Variants in CEP112 observed in about 807,000 individuals in gnomAD.
The protein encoded by CEP112 is centrosomal protein 112.
CEP112 carries 127 observed loss-of-function variants against 153.0 expected under a neutral mutation model. The ratio of observed to expected loss-of-function variants is 0.83; its 90% confidence interval spans 0.72 to 0.96. The LOEUF (loss-of-function observed/expected upper bound fraction) is 0.96. Among genes scored for constraint, CEP112 ranks in the 40% least tolerant of loss-of-function variants. CEP112 has a pLI of 0.00. For missense variants in CEP112, 1,089 were observed against 1,101.2 expected (o/e 0.99, Z 0.16); for synonymous variants, 358 against 374.4 (o/e 0.96, Z 0.51).
intron 16 of CEP112, among the ~76,000 whole-genome samples, chr17:66,022,769 G>T (rs1009875909): frequency 6.7e-6 from 1 of 148,564 alleles, no homozygotes; most frequent in African/African-American, 2.5e-5. Flanking sequence ...ATTTTAAAGA[G>T]ATTCAATGAG....
At chr17:66,111,064 C>G (rs1011943632) in intron 6 of CEP112, among the ~76,000 whole-genome samples, 8 of 152,106 alleles carry the variant, frequency 5.3e-5, no homozygotes, top group Non-Finnish European at 1.2e-4. Flanking sequence ...AGACACTTCT[C>G]AAAAGAAGAC....
At chr17:65,883,429 T>G (rs1038026697) in intron 20 of CEP112, among the ~76,000 whole-genome samples, 2 of 152,088 alleles carry the variant, frequency 1.3e-5, no homozygotes, top group African/African-American at 4.8e-5. Context: ...GGCATAATCT[T>G]GGCTCACTGT....
intron 6 of CEP112, among the ~76,000 whole-genome samples, chr17:66,106,909 A>G (rs533891356): frequency 6.6e-6 from 1 of 152,234 alleles, no homozygotes; most frequent in African/African-American, 2.4e-5. Context: ...ATACTAGTAT[A>G]CTGAATTCAA....
intron 20 of CEP112, among the ~76,000 whole-genome samples, chr17:65,866,383 G>A (rs1291604177): frequency 1.3e-5 from 2 of 152,252 alleles, no homozygotes; most frequent in Non-Finnish European, 2.9e-5. Flanking sequence ...AGGGCAGCTT[G>A]GCACTGGCCT....
intron 24 of CEP112, among the ~76,000 whole-genome samples, chr17:65,667,646 TG>T (rs1417023769): frequency 6.6e-6 from 1 of 151,778 alleles, no homozygotes; most frequent in East Asian, 1.9e-4. Flanking sequence ...TATTTTAGGG[TG>T]GTCATTAATT....
chr17:65,812,415 T>C (rs1304879412), intron 21 of CEP112, among the ~76,000 whole-genome samples: 1 of 152,210 alleles, frequency 6.6e-6, no homozygotes, highest in Non-Finnish European at 1.5e-5. Flanking sequence ...TTCCTCCTTG[T>C]AGATGATTCA....
intron 6 of CEP112, among the ~76,000 whole-genome samples, chr17:66,115,127 C>G (rs1442158320): frequency 6.6e-6 from 1 of 152,052 alleles, no homozygotes. Flanking sequence ...ATCACTTAAA[C>G]CTGGGAGGCA....
intron 24 of CEP112, chr17:65,688,914 C>T: frequency 2.7e-6 from 1 of 370,022 alleles, no homozygotes; most frequent in East Asian, 5.5e-5. Flanking sequence ...ATTACAGGCA[C>T]CTGCCACCAC....
intron 6 of CEP112, among the ~76,000 whole-genome samples, chr17:66,113,810 T>C (rs1030685463): frequency 3.3e-5 from 5 of 152,236 alleles, no homozygotes; most frequent in African/African-American, 1.2e-4. Flanking sequence ...ATGGGAATTA[T>C]TCATGGTAAA....
chr17:65,867,302 C>A (rs762782269), intron 20 of CEP112, among the ~76,000 whole-genome samples: 1 of 152,158 alleles, frequency 6.6e-6, no homozygotes, highest in Non-Finnish European at 1.5e-5. Flanking sequence ...TGAGTGGGAT[C>A]CAGGCAGGTA....
intron 23 of CEP112, among the ~76,000 whole-genome samples, chr17:65,734,652 C>T (rs1263563387): frequency 6.6e-6 from 1 of 152,106 alleles, no homozygotes; most frequent in East Asian, 1.9e-4. Context: ...TGATAGAAGG[C>T]AGCTGATTCT....
chr17:65,810,017 T>G (rs1220767082), intron 21 of CEP112, among the ~76,000 whole-genome samples: 1 of 152,216 alleles, frequency 6.6e-6, no homozygotes. Context: ...AGAAGTCAAC[T>G]GTGATGAAGA....
intron 15 of CEP112, among the ~76,000 whole-genome samples, chr17:66,027,895 T>C (rs935821329): frequency 6.6e-6 from 1 of 151,908 alleles, no homozygotes; most frequent in African/African-American, 2.4e-5. Context: ...TAACAGTCCT[T>C]GGTATTTTTT....
At chr17:66,096,547 C>T (rs1278771731) in intron 7 of CEP112, 38 bp downstream of exon 7, 1 of 1,405,596 alleles carries the variant, frequency 7.1e-7, no homozygotes, top group South Asian at 1.2e-5. Flanking sequence ...TTTTAAAATA[C>T]CTGCCCCTAG....
At chr17:65,850,449 C>T (rs1360158279) in intron 21 of CEP112, among the ~76,000 whole-genome samples, 1 of 152,152 alleles carries the variant, frequency 6.6e-6, no homozygotes, top group Non-Finnish European at 1.5e-5. Flanking sequence ...GCTGTCAGGT[C>T]TACCTTCAGA....
At chr17:66,179,591 GA>G (rs1213916941) in intron 2 of CEP112, among the ~76,000 whole-genome samples, 1 of 152,004 alleles carries the variant, frequency 6.6e-6, no homozygotes, top group African/African-American at 2.4e-5. Context: ...GTTTTTGGGG[GA>G]GTCTTTAGGT....
At chr17:65,782,458 C>A (rs144716264) in intron 21 of CEP112, among the ~76,000 whole-genome samples, 3 of 152,146 alleles carry the variant, frequency 2.0e-5, no homozygotes, top group African/African-American at 7.2e-5. Context: ...AAAAATGGAA[C>A]TACCATTTGA....
chr17:66,182,539 T>A (rs1476831925), intron 2 of CEP112: 2 of 152,176 alleles, frequency 1.3e-5, no homozygotes. Flanking sequence ...ACTCAAAAGC[T>A]ACCAAGTCAT....
At chr17:66,031,940 C>A (rs9896949) in intron 12 of CEP112, among the ~76,000 whole-genome samples, 78,269 of 151,970 alleles carry the variant, frequency 0.52, 21,084 homozygotes, top group African/African-American at 0.59. Flanking sequence ...GACTTGAGGA[C>A]ACAAGATCCC....
Sources: allele counts gnomAD v4.1 joint callset (sites outside exome capture counted in the v4.1 genomes callset), GRCh38; gene constraint gnomAD v4.1.1; transcripts MANE v1.5; gene names NCBI Gene and HGNC (gene_info 2026-07-23, HGNC 2026-07-21).